Variants in MRPS27 observed in about 807,000 individuals in gnomAD.
MRPS27 encodes the protein mitochondrial ribosomal protein S27, also known as small ribosomal subunit protein mS27.
MRPS27 carries 43 observed loss-of-function variants against 48.9 expected under a neutral mutation model. That is an observed-to-expected ratio of 0.88 (90% CI 0.69 to 1.13). MRPS27 has a LOEUF of 1.13. Among genes scored for constraint, MRPS27 ranks in the 50% most tolerant of loss-of-function variants. The pLI is 0.00. For missense variants in MRPS27, 467 were observed against 476.3 expected (o/e 0.98, Z 0.18); for synonymous variants, 188 against 171.9 (o/e 1.09, Z -0.73).
chr5:72,303,191 A>T (rs1750167575), intron 2 of MRPS27, among the ~76,000 whole-genome samples: 1 of 152,270 alleles, frequency 6.6e-6, no homozygotes, highest in Admixed American at 6.5e-5. Context: ...TATGCTCATT[A>T]TCTTGATCAT....
rs1747728286 is a variant in MRPS27 at position 72,221,094 on chromosome 5, T to C, written c.1060A>G (p.Ser354Gly). The C allele has an allele frequency of 6.2e-7, 1 of 1,614,036 alleles. No homozygotes were observed. Among genetic ancestry groups the C allele is most frequent in the African/African-American group, 1.3e-5 (1 of 74,918 alleles). The change falls in exon 11 of 11, where the codon AGT becomes GGT. Residue 354 changes from serine (S) to glycine (G), a missense_variant. Ser to Gly is a moderately conservative substitution (Grantham distance 56). Coordinates refer to ENST00000261413, the MANE Select transcript of MRPS27 (RefSeq NM_015084.3). ...LGKIESEGLLSLTTQLVKEKL... is the reference protein window; with the variant it reads ...LGKIESEGLLGLTTQLVKEKL... Reference sequence around the variant, plus strand: ...TCCTTGACAAGCTGGGTGGTCAGACTTAAAAGACCTTCTGACTCAATTTTG... The same window carrying C: ...TCCTTGACAAGCTGGGTGGTCAGACCTAAAAGACCTTCTGACTCAATTTTG...
intron 4 of MRPS27, among the ~76,000 whole-genome samples, chr5:72,292,508 A>G (rs983245938): frequency 6.6e-6 from 1 of 152,168 alleles, no homozygotes; most frequent in Non-Finnish European, 1.5e-5. Context: ...GTACTTTCAG[A>G]GATTCAAAAC....
chr5:72,319,637 G>C (rs1395883058), intron 1 of MRPS27, among the ~76,000 whole-genome samples: 1 of 146,794 alleles, frequency 6.8e-6, no homozygotes, highest in Non-Finnish European at 1.5e-5. Flanking sequence ...TCCGCCTCCC[G>C]AGTTCAAGCG....
chr5:72,286,269 C>A (rs1170976321), intron 4 of MRPS27, among the ~76,000 whole-genome samples: 1 of 151,994 alleles, frequency 6.6e-6, no homozygotes, highest in Admixed American at 6.6e-5. Flanking sequence ...ATGGAAAGGA[C>A]CGACACTAGC....
intron 4 of MRPS27, among the ~76,000 whole-genome samples, chr5:72,270,193 C>CAATAATAATAATAATAAT (rs66874536): frequency 2.1e-5 from 3 of 140,322 alleles, no homozygotes; most frequent in South Asian, 2.3e-4. Flanking sequence ...AACTCCATCT[C>CAATAATAATAATAATAAT]AATAATAATA....
intron 4 of MRPS27, among the ~76,000 whole-genome samples, chr5:72,243,246 A>T (rs1187459927): frequency 6.6e-6 from 1 of 152,244 alleles, no homozygotes; most frequent in African/African-American, 2.4e-5. Flanking sequence ...AAAAGGAATG[A>T]GCGCTTCCTT....
At chr5:72,232,850 C>T (rs1258591021) in intron 6 of MRPS27, among the ~76,000 whole-genome samples, 1 of 152,148 alleles carries the variant, frequency 6.6e-6, no homozygotes, top group Non-Finnish European at 1.5e-5. Context: ...CCAGTATCAT[C>T]GTCATAATGA....
Position 72,297,646 on chromosome 5 carries a change from A to C in MRPS27, c.208T>G (p.Leu70Val). 1 of 1,597,756 alleles carries C rather than the reference A, an allele frequency of 6.3e-7. No individual in the cohort carries two copies. Among genetic ancestry groups the C allele is most frequent in the East Asian group, 2.3e-5 (1 of 44,428 alleles). ...AATTTTCTTACCCGTGATATTGTTA[A>C]AGAACTAACAGGCAACTTTCTCTCA... ...TFERKLPVSS[L>V]TISRLIDNIS... The change falls in exon 3 of 11, where the codon TTA becomes GTA. Residue 70 changes from leucine to valine, a missense_variant. Physicochemically the swap from Leu to Val is conservative, Grantham distance 32. Transcript: ENST00000261413.
rs188361508 is a variant in MRPS27 at position 72,286,465 on chromosome 5, A to G, written c.281+9066T>C. ...ACACAAATATAAACTAATTATCAAC[A>G]AAGGTACAAAGGCAATTTAAAAATA... On this transcript the variant is annotated intron_variant, in intron 4 of 10. Coordinates refer to ENST00000261413, the MANE Select transcript of MRPS27 (RefSeq NM_015084.3). Among the ~76,000 whole-genome samples, 39 of 152,328 alleles carry G rather than the reference A, an allele frequency of 2.6e-4. No homozygotes were observed. In the East Asian group the frequency reaches 6.7e-3, roughly 26 times the overall value.
intron 8 of MRPS27, 163 bp downstream of exon 8, chr5:72,228,103 T>C (rs978639109): frequency 3.1e-6 from 2 of 641,712 alleles, no homozygotes; most frequent in Non-Finnish European, 5.4e-6. Context: ...TACTCTCTTA[T>C]GGAGTAACTG....
intron 5 of MRPS27, among the ~76,000 whole-genome samples, chr5:72,234,431 T>C (rs1748147523): frequency 6.6e-6 from 1 of 151,578 alleles, no homozygotes. Flanking sequence ...CAACTGATAA[T>C]GTAAAAACTA....
chr5:72,311,564 G>A (rs1750440989), intron 2 of MRPS27, among the ~76,000 whole-genome samples: 1 of 152,142 alleles, frequency 6.6e-6, no homozygotes, highest in East Asian at 1.9e-4. Flanking sequence ...ACGGAAGTGG[G>A]ACTGGTGGCT....
At chr5:72,297,265 A>G (rs1285738826) in intron 3 of MRPS27, among the ~76,000 whole-genome samples, 1 of 152,168 alleles carries the variant, frequency 6.6e-6, no homozygotes, top group East Asian at 1.9e-4. Context: ...CCATTCTTTT[A>G]CAGACTTTCT....
At chr5:72,224,049 G>C (rs975017034) in intron 9 of MRPS27, among the ~76,000 whole-genome samples, 199 bp from the exon 10 acceptor site, 1 of 152,134 alleles carries the variant, frequency 6.6e-6, no homozygotes, top group African/African-American at 2.4e-5. Context: ...GTGGAAAACA[G>C]TACAAGACAA....
intron 2 of MRPS27, among the ~76,000 whole-genome samples, chr5:72,298,730 A>C (rs1442341437): frequency 1.5e-4 from 23 of 149,992 alleles, no homozygotes; most frequent in Middle Eastern, 3.2e-3. Flanking sequence ...AAAACAAAAA[A>C]AAAAAAAACA....
intron 4 of MRPS27, among the ~76,000 whole-genome samples, chr5:72,253,264 C>T (rs892157918): frequency 6.6e-6 from 1 of 152,196 alleles, no homozygotes; most frequent in African/African-American, 2.4e-5. Context: ...ATTTTTGCCT[C>T]TTCTACCCTT....
chr5:72,255,057 G>C (rs1229193067), intron 4 of MRPS27, among the ~76,000 whole-genome samples: 2 of 20,642 alleles, frequency 9.7e-5, no homozygotes, highest in Admixed American at 6.1e-4. Context: ...TTTTTTTTTT[G>C]AGACAGAGTC....
intron 4 of MRPS27, chr5:72,241,502 G>T: frequency 1.4e-6 from 1 of 725,808 alleles, no homozygotes; most frequent in Non-Finnish European, 2.3e-6. Flanking sequence ...AAAACACTGG[G>T]CCAGCGGGGT....
At chr5:72,271,617 A>G (rs1260469478) in intron 4 of MRPS27, among the ~76,000 whole-genome samples, 1 of 152,238 alleles carries the variant, frequency 6.6e-6, no homozygotes, top group Non-Finnish European at 1.5e-5. Context: ...AGAAAAAACT[A>G]TGTTCATAAA....
Sources: allele counts gnomAD v4.1 joint callset (sites outside exome capture counted in the v4.1 genomes callset), GRCh38; gene constraint gnomAD v4.1.1; transcripts MANE v1.5; gene names NCBI Gene and HGNC (gene_info 2026-07-23, HGNC 2026-07-21).